The following TBC1D9 variants were observed in gnomAD, a reference collection of about 807,000 sequenced individuals.
The protein encoded by TBC1D9 is TBC1 domain family member 9.
TBC1D9 carries 63 observed loss-of-function variants against 132.0 expected under a neutral mutation model. The observed-to-expected ratio is 0.48, with a 90% confidence interval of 0.39 to 0.59. The LOEUF is 0.59. TBC1D9 is among the 20% of genes least tolerant of loss of function. TBC1D9 has a pLI of 0.00. For missense variants in TBC1D9, 1,261 were observed against 1,592.7 expected, an observed-to-expected ratio of 0.79 and a Z score of 3.54; for synonymous variants, 610 against 609.9, an observed-to-expected ratio of 1.00 and a Z score of 0.00.
Position 140,639,402 on chromosome 4 carries a change from C to T in TBC1D9, c.2364G>A (p.Leu788=), listed in dbSNP as rs1200494557. The T allele has an allele frequency of 6.2e-7, 1 of 1,612,458 alleles. No individual in the cohort carries two copies. Among genetic ancestry groups the T allele is most frequent in the South Asian group, 1.1e-5 (1 of 90,554 alleles). Residue 788 remains leucine, a synonymous_variant, in exon 14 of 21, where the codon TTG becomes TTA. Transcript: ENST00000442267. ...YEKFGTIRAD[L]IEQMRFKQRL... The stretch of plus-strand genomic sequence containing the variant: ...TCTGTTTGAATCTCATCTGTTCAAT[C>T]AAATCTGCCCGGATAGTTCCGAATT...
At chr4:140,702,532 C>T (rs908819430) in intron 1 of TBC1D9, among the ~76,000 whole-genome samples, 3 of 152,186 alleles carry the variant, frequency 2.0e-5, no homozygotes, top group South Asian at 4.1e-4. Context: ...ATGCGGAGAA[C>T]GCACAACCCT....
At chr4:140,716,921 TAA>T (rs201548614) in intron 1 of TBC1D9, among the ~76,000 whole-genome samples, 6 of 134,584 alleles carry the variant, frequency 4.5e-5, no homozygotes, top group Admixed American at 7.5e-5. Flanking sequence ...ATGGGGGCTG[TAA>T]AAAAAAAAAA....
intron 20 of TBC1D9, 109 bp downstream of exon 20, chr4:140,624,007 C>CAG (rs1553967104): frequency 1.2e-6 from 1 of 842,430 alleles, no homozygotes; most frequent in Non-Finnish European, 1.8e-6. Flanking sequence ...GTAAAGGCCC[C>CAG]AGTTATTATT....
rs1737676642 is a variant in TBC1D9 at position 140,679,732 on chromosome 4, C to G, written c.472G>C (p.Glu158Gln). 3 of 1,613,852 alleles carry G rather than the reference C, an allele frequency of 1.9e-6. No homozygotes were observed. The highest frequency in any genetic ancestry group is 2.5e-6 in the Non-Finnish European group (3 of 1,179,808). The change falls in exon 4 of 21, where the codon GAG becomes CAG. Residue 158 changes from glutamate to glutamine, a missense_variant. Transcript: ENST00000442267. ...CAAGAGTAATAGTTGACGAGTTTCT[C>G]TTCCTCTGGCATCCCAAACAGCCTA... ...FHRLFGMPEE[E>Q]KLVNYYSCSY...
intron 1 of TBC1D9, among the ~76,000 whole-genome samples, chr4:140,703,265 T>C (rs1185706425): frequency 2.0e-5 from 3 of 152,212 alleles, no homozygotes; most frequent in South Asian, 2.1e-4. Context: ...TTGCTGAATC[T>C]GAGGCACAAA....
intron 9 of TBC1D9, among the ~76,000 whole-genome samples, chr4:140,663,843 C>T (rs908435346): frequency 3.3e-5 from 5 of 151,856 alleles, no homozygotes; most frequent in Admixed American, 2.0e-4. Flanking sequence ...TATAGTCAAA[C>T]TCATAGAAAC....
At chr4:140,750,613 T>C (rs1738909251) in intron 1 of TBC1D9, among the ~76,000 whole-genome samples, 2 of 151,094 alleles carry the variant, frequency 1.3e-5, no homozygotes, top group South Asian at 2.1e-4. Context: ...CACAGAAAAC[T>C]ATAAAACACC....
chr4:140,623,956 T>C (rs916543769), intron 20 of TBC1D9, among the ~76,000 whole-genome samples, 160 bp downstream of exon 20: 1 of 152,112 alleles, frequency 6.6e-6, no homozygotes, highest in Non-Finnish European at 1.5e-5. Flanking sequence ...ATATTTTTGA[T>C]GCATAAATAC....
At chr4:140,721,478 G>A (rs926820437) in intron 1 of TBC1D9, among the ~76,000 whole-genome samples, 4 of 152,132 alleles carry the variant, frequency 2.6e-5, no homozygotes, top group Non-Finnish European at 5.9e-5. Context: ...GGGCCAGGGC[G>A]GCTGGACTCC....
intron 6 of TBC1D9, among the ~76,000 whole-genome samples, chr4:140,673,763 A>T (rs1488346735): frequency 6.6e-6 from 1 of 152,176 alleles, no homozygotes; most frequent in African/African-American, 2.4e-5. Flanking sequence ...ATTTATTATT[A>T]TCTCTGCTCT....
At chr4:140,643,380 T>A in intron 13 of TBC1D9, 1 of 1,267,218 alleles carries the variant, frequency 7.9e-7, no homozygotes. Context: ...AGGCCTGGCC[T>A]GGGGCAGCTC....
At chr4:140,728,372 T>C (rs1738531746) in intron 1 of TBC1D9, among the ~76,000 whole-genome samples, 1 of 150,398 alleles carries the variant, frequency 6.6e-6, no homozygotes, top group Non-Finnish European at 1.5e-5. Context: ...GTTTCTGGGT[T>C]ATATTAAAAA....
chr4:140,689,016 C>A (rs534512465), intron 2 of TBC1D9, among the ~76,000 whole-genome samples: 1 of 152,006 alleles, frequency 6.6e-6, no homozygotes, highest in Non-Finnish European at 1.5e-5. Context: ...ATCCTCCACC[C>A]GATTGTTCCA....
At chr4:140,640,472 T>G (rs1736968894) in intron 13 of TBC1D9, among the ~76,000 whole-genome samples, 1 of 151,318 alleles carries the variant, frequency 6.6e-6, no homozygotes. Flanking sequence ...GTGGGGGTGA[T>G]TTCTAGTCTT....
chr4:140,624,067 A>G, intron 20 of TBC1D9, 49 bp downstream of exon 20: 1 of 1,449,978 alleles, frequency 6.9e-7, no homozygotes. Context: ...AGTCATAGAA[A>G]AAAGAGTGTC....
intron 1 of TBC1D9, among the ~76,000 whole-genome samples, chr4:140,725,120 C>A (rs1316769216): frequency 2.6e-5 from 4 of 152,006 alleles, no homozygotes; most frequent in African/African-American, 4.8e-5. Context: ...CTATTTATTG[C>A]AACAGTTTTA....
intron 1 of TBC1D9, among the ~76,000 whole-genome samples, chr4:140,714,478 G>A (rs1262448134): frequency 2.6e-5 from 4 of 152,146 alleles, no homozygotes; most frequent in African/African-American, 7.2e-5. Context: ...ACTTCTAATC[G>A]TTAGAAAGAA....
At chr4:140,646,868 T>C (rs1737110782) in intron 13 of TBC1D9, among the ~76,000 whole-genome samples, 1 of 152,308 alleles carries the variant, frequency 6.6e-6, no homozygotes, top group East Asian at 1.9e-4. Context: ...TTCTCAACAA[T>C]GAAGATGCAA....
chr4:140,677,905 C>A (rs1401405203), intron 5 of TBC1D9, among the ~76,000 whole-genome samples: 2 of 152,058 alleles, frequency 1.3e-5, no homozygotes, highest in Non-Finnish European at 2.9e-5. Flanking sequence ...CTTAAATGAT[C>A]AACTTTCTTA....
Sources: allele counts gnomAD v4.1 joint callset (sites outside exome capture counted in the v4.1 genomes callset), GRCh38; gene constraint gnomAD v4.1.1; transcripts MANE v1.5; gene names NCBI Gene and HGNC (gene_info 2026-07-23, HGNC 2026-07-21).